The following HERC2 variants were observed in gnomAD, a reference collection of about 807,000 sequenced individuals.
HERC2 encodes E3 ubiquitin-protein ligase HERC2.
In HERC2, 102 loss-of-function variants were observed where a neutral mutation model predicts 537.7. The ratio of observed to expected loss-of-function variants is 0.19; its 90% CI spans 0.16 to 0.22. The LOEUF (loss-of-function observed/expected upper bound fraction) is 0.22, where lower values mean the gene tolerates loss of function less well. HERC2 is among the 10% of genes least tolerant of loss of function. The pLI is 1.00. For synonymous variants in HERC2, 2,224 were observed against 2,466.2 expected (o/e 0.90, Z 2.91); for missense variants, 4,236 against 6,198.2 (o/e 0.68, Z 10.63).
chr15:28,146,068 G>A lies in HERC2; in HGVS notation c.11008+169C>T, dbSNP rs184781732. On this transcript the variant is annotated intron_variant, in intron 71 of 92. Transcript: ENST00000261609. ...GATAATTACTGTATTTAAAAGTATG[G>A]GAAAGAGGCAAGCAAACCCACTGTG... Among the ~76,000 whole-genome samples the A allele has an allele frequency of 3.0e-3, 463 of 152,320 alleles. 9 individuals are homozygous for A. The highest frequency in any genetic ancestry group is 3.3e-3 in the Non-Finnish European group (224 of 68,020).
At chr15:28,278,322 G>A (rs1472882120) in intron 5 of HERC2, among the ~76,000 whole-genome samples, 3 of 152,068 alleles carry the variant, frequency 2.0e-5, no homozygotes, top group African/African-American at 4.8e-5. Flanking sequence ...GGTCAAAGCT[G>A]CAGGAAGCCA....
At chr15:28,241,368 T>C (rs1033505864) in intron 23 of HERC2, among the ~76,000 whole-genome samples, 9 of 147,818 alleles carry the variant, frequency 6.1e-5, no homozygotes, top group Non-Finnish European at 4.5e-5. Flanking sequence ...AAAAAAAAAG[T>C]GTTGGTGAGG....
chr15:28,269,466 TAAC>T (rs752412490), intron 10 of HERC2, 30 bp from the exon 11 acceptor site: 10 of 1,545,098 alleles, frequency 6.5e-6, no homozygotes, highest in East Asian at 2.3e-5. Flanking sequence ...ACATTTCCTT[TAAC>T]AACAACAACA....
chr15:28,149,647 G>A (rs1273786458), intron 70 of HERC2, among the ~76,000 whole-genome samples: 1 of 151,340 alleles, frequency 6.6e-6, no homozygotes, highest in Non-Finnish European at 1.5e-5. Context: ...GTACATTCTA[G>A]TAAAATTACC....
intron 70 of HERC2, 85 bp from the exon 71 acceptor site, chr15:28,146,429 C>T (rs1891744694): frequency 2.3e-6 from 2 of 885,174 alleles, no homozygotes; most frequent in Non-Finnish European, 1.9e-6. Context: ...CCACATTTAA[C>T]AGCTAATGAA....
intron 35 of HERC2, among the ~76,000 whole-genome samples, chr15:28,227,149 A>G (rs1454132725): frequency 6.6e-6 from 1 of 151,974 alleles, no homozygotes; most frequent in Non-Finnish European, 1.5e-5. Flanking sequence ...GTGGTGTGTG[A>G]CTGTAATCCC....
At chr15:28,195,530 C>T (rs1468448278) in intron 52 of HERC2, among the ~76,000 whole-genome samples, 3 of 152,214 alleles carry the variant, frequency 2.0e-5, no homozygotes, top group African/African-American at 4.8e-5. Flanking sequence ...GACGTTCTGA[C>T]ACATGCTACA....
rs192865930 is a variant in HERC2, at chr15:28,265,057, C to A, written c.1870+561G>T. On this transcript the variant is annotated intron_variant, in intron 14 of 92. Coordinates refer to ENST00000261609, the MANE Select transcript of HERC2 (RefSeq NM_004667.6). The surrounding 1 kb of genome is among the most constrained non-coding windows in gnomAD (Gnocchi z 4.0). ...TGACAGGTACCCCTGCTGATTATAA[C>A]GGAAAGACTCCACAACGCCAGAGAC... 6.6e-6 allele frequency among the ~76,000 whole-genome samples: 1 copy of A among 152,172 alleles called. No homozygotes were observed. The highest frequency in any genetic ancestry group is 1.5e-5 in the Non-Finnish European group (1 of 68,046).
Position 28,111,764 on chromosome 15 carries a change from T to C in HERC2, c.14504A>G (p.Ter4835=). 1 of 1,612,826 alleles carries C rather than the reference T, an allele frequency of 6.2e-7. No homozygotes were observed. Among genetic ancestry groups the C allele is most frequent in the South Asian group, 1.1e-5 (1 of 91,076 alleles). ...ATCTCACGAGGACGTTTCCCCATCTTAGTGTCCTGTTAAATAATCTTGTGT... is the reference window on the plus strand; with the variant it reads ...ATCTCACGAGGACGTTTCCCCATCTCAGTGTCCTGTTAAATAATCTTGTGT... ...DSTQDYLTGH[*] Residue 4835 remains the stop codon, a stop_retained_variant, in exon 93 of 93, where the codon TAA becomes TGA. Coordinates refer to ENST00000261609, the MANE Select transcript of HERC2 (RefSeq NM_004667.6).
chr15:28,144,321 A>AC lies in HERC2; in HGVS notation c.11141-87dup, dbSNP rs890748251. On this transcript the variant is annotated intron_variant, in intron 72 of 92. Transcript: ENST00000261609. Reference sequence around the variant, plus strand: ...GCCGCCAACGAACAAGGGTGGCTCCACCCAGCCCCACCCACCAGAAGGCAA... The same window carrying AC: ...GCCGCCAACGAACAAGGGTGGCTCCACCCCAGCCCCACCCACCAGAAGGCAA... 71 of 1,372,676 alleles carry AC rather than the reference A, an allele frequency of 5.2e-5. No individual in the cohort carries two copies. The African/African-American group carries it at 9.1e-4, about 18-fold the overall frequency. The allele number at this position is 1,372,676 out of a possible 1,614,324, so 85.0% of individuals were successfully genotyped here. A position where few individuals can be genotyped will look rare whatever the true frequency, so the allele number is the denominator to read the frequency against.
At chr15:28,158,305 C>T (rs1893222212) in intron 69 of HERC2, among the ~76,000 whole-genome samples, 1 of 152,144 alleles carries the variant, frequency 6.6e-6, no homozygotes, top group East Asian at 1.9e-4. Context: ...AACTTTCTGT[C>T]TCATGGATCT....
In HERC2 at chr15:28,156,143, C is replaced by G. The variant is rs569566769; in HGVS notation, c.10747-3313G>C. ...CTATATCTCTGTTTTGGTACCAGTA[C>G]CATGCTGTTTTGGTTACTGTAGCTT... On this transcript the variant is annotated intron_variant, in intron 69 of 92. Transcript: ENST00000261609. Among the ~76,000 whole-genome samples, 9 of 152,246 alleles carry G rather than the reference C, an allele frequency of 5.9e-5. No individual in the cohort carries two copies. In the East Asian group the frequency reaches 1.5e-3, roughly 26 times the overall value.
At chr15:28,224,004 G>GCC (rs1310317570) in intron 35 of HERC2, among the ~76,000 whole-genome samples, 1 of 151,968 alleles carries the variant, frequency 6.6e-6, no homozygotes. Flanking sequence ...ATTTTTAAAT[G>GCC]CAACTTTTGG....
rs1012005091 is a variant in HERC2 at position 28,144,629 on chromosome 15, A to ACAGC, written c.11140+40_11140+43dup. The ACAGC allele has an allele frequency of 1.9e-6, 3 of 1,613,402 alleles. No homozygotes were observed. The African/African-American group carries it at 4.0e-5, about 22-fold the overall frequency. ...GTCCCTGTTGCTCCAGAAACAATCC[A>ACAGC]CAGCCAGTCATCTAACCTTGATCGC... On this transcript the variant is annotated intron_variant, in intron 72 of 92. Coordinates refer to ENST00000261609, the MANE Select transcript of HERC2 (RefSeq NM_004667.6).
At chr15:28,273,130 AAGTTTCT>A in intron 7 of HERC2, 126 bp from the exon 8 acceptor site, 3 of 717,898 alleles carry the variant, frequency 4.2e-6, no homozygotes, top group East Asian at 2.7e-5. Flanking sequence ...ATTTAGGATC[AAGTTTCT>A]GATACTTGCT....
At chr15:28,140,827 C>A (rs1278480964) in intron 78 of HERC2, among the ~76,000 whole-genome samples, 1 of 151,574 alleles carries the variant, frequency 6.6e-6, no homozygotes, top group African/African-American at 2.4e-5. Flanking sequence ...GGGTCAGCAG[C>A]AATACATTTT....
intron 83 of HERC2, among the ~76,000 whole-genome samples, chr15:28,128,980 ATC>A (rs1377507490): frequency 6.6e-6 from 1 of 152,130 alleles, no homozygotes; most frequent in Non-Finnish European, 1.5e-5. Context: ...CTTCAGTCAC[ATC>A]TCTGACTGAC....
At chr15:28,192,684 G>A (rs952506922) in intron 52 of HERC2, among the ~76,000 whole-genome samples, 1 of 152,194 alleles carries the variant, frequency 6.6e-6, no homozygotes, top group Admixed American at 6.5e-5. Flanking sequence ...CGAGGCGAAT[G>A]GAGGTGTCAA....
At chr15:28,115,935 A>G (rs1005064381) in intron 88 of HERC2, among the ~76,000 whole-genome samples, 4 of 152,214 alleles carry the variant, frequency 2.6e-5, no homozygotes, top group African/African-American at 4.8e-5. Flanking sequence ...TGGGACAGGA[A>G]GGAGGGACTG....
Sources: gnomAD v4.1 joint callset for allele counts (sites outside exome capture counted in the v4.1 genomes callset) on GRCh38, gnomAD v4.1.1 for gene constraint, Gnocchi (gnomAD v3.1) non-coding constraint, MANE v1.5 for transcripts, NCBI Gene and HGNC (gene_info 2026-07-23, HGNC 2026-07-21) for gene names.